Variants in MED16 observed in about 807,000 individuals in gnomAD.
The protein encoded by MED16 is mediator complex subunit 16.
In MED16, 81 loss-of-function variants were observed where a neutral mutation model predicts 84.4. The observed-to-expected ratio is 0.96, with a 90% CI of 0.80 to 1.15. The LOEUF is 1.15. Ranked by LOEUF, MED16 falls within the 50% of genes most tolerant of loss-of-function variation. The pLI is 0.00. For synonymous variants in MED16, 897 were observed against 552.2 expected (o/e 1.62, Z -8.76); for missense variants, 1,585 against 1,245.9 (o/e 1.27, Z -4.10).
Position 873,557 on chromosome 19 carries a change from G to A in MED16, c.1797C>T (p.Leu599=), listed in dbSNP as rs535810990. 4 of 1,612,436 alleles carry A rather than the reference G, an allele frequency of 2.5e-6. No individual in the cohort carries two copies. Among genetic ancestry groups the A allele is most frequent in the East Asian group, 2.2e-5 (1 of 44,874 alleles). Residue 599 remains leucine, a synonymous_variant, in exon 11 of 16, where the codon CTC becomes CTT. Transcript: ENST00000325464. ...TGTCCAGCACAAATTCCTCCGTCTT[G>A]AGGTTGATCATGACCTTGTCAATGT... ...DVDIDKVMIN[L]KTEEFVLDMN... is the part of the protein sequence containing the mutation.
At chr19:871,344 G>A (rs888651063) in intron 12 of MED16, 91 bp from the exon 13 acceptor site, 9 of 1,398,422 alleles carry the variant, frequency 6.4e-6, no homozygotes, top group Non-Finnish European at 8.6e-6. Flanking sequence ...CAGTTCAGGA[G>A]CACCAGGTCA....
At position 886,237 on chromosome 19, in the gene MED16, A is replaced by G. The variant is rs539510209; in HGVS notation, c.448-36T>C. 7 of 1,474,914 alleles carry G rather than the reference A, an allele frequency of 4.7e-6. No homozygotes were observed. In the Admixed American group the frequency reaches 1.4e-4, roughly 30 times the overall value. 91.4% of individuals were successfully genotyped at this position (1,474,914 alleles called of 1,614,324 possible). A position where few individuals can be genotyped will look rare whatever the true frequency, so the allele number is the denominator to read the frequency against. ...GGGAGGGAGGGAGGAGGGGCCGCTC[A>G]GGCTCATGGGGGCTGCCCCATGACC... On this transcript the variant is annotated intron_variant, in intron 4 of 15. Coordinates refer to ENST00000325464, the MANE Select transcript of MED16 (RefSeq NM_005481.3).
Position 871,213 on chromosome 19 carries a change from C to T in MED16, c.2139G>A (p.Leu713=). ...EGPASEPDEA[L]VDECCLLPSQ... ...TGGGCAGCAGGCAGCATTCATCCAC[C>T]AGCGCCTCGTCCGGCTCGCTCGCTG... The change falls in exon 13 of 16, where the codon CTG becomes CTA. Residue 713 remains leucine (L), a synonymous_variant. Transcript: ENST00000325464. 1.9e-6 allele frequency: 3 copies of T among 1,549,002 alleles called. No homozygotes were observed. Among genetic ancestry groups the T allele is most frequent in the Non-Finnish European group, 2.6e-6 (3 of 1,145,528 alleles).
Position 871,202 on chromosome 19 carries a change from C to T in MED16, c.2150G>A (p.Cys717Tyr). 3.2e-6 allele frequency: 5 copies of T among 1,550,336 alleles called. No homozygotes were observed. Among genetic ancestry groups the T allele is most frequent in the Non-Finnish European group, 4.4e-6 (5 of 1,146,652 alleles). ...SEPDEALVDECCLLPSQLLIP... is the reference protein window; with the variant it reads ...SEPDEALVDEYCLLPSQLLIP... ...AAGCAGCTGGCTGGGCAGCAGGCAG[C>T]ATTCATCCACCAGCGCCTCGTCCGG... Residue 717 changes from cysteine to tyrosine, a missense_variant, in exon 13 of 16, where the codon TGC (cysteine) becomes TAC (tyrosine). Transcript: ENST00000325464.
chr19:871,530 A>G, intron 12 of MED16: 17 of 1,571,464 alleles, frequency 1.1e-5, no homozygotes, highest in Admixed American at 1.8e-5. Flanking sequence ...TTTTCCAGAC[A>G]CTGGGATGTA....
intron 13 of MED16, among the ~76,000 whole-genome samples, chr19:870,018 C>T (rs965019677): frequency 6.6e-6 from 1 of 152,210 alleles, no homozygotes; most frequent in African/African-American, 2.4e-5. Context: ...CAGCTCAGCA[C>T]ACTTGGGTTG....
intron 4 of MED16, among the ~76,000 whole-genome samples, chr19:888,614 T>C (rs1054130388): frequency 6.6e-6 from 1 of 151,590 alleles, no homozygotes; most frequent in African/African-American, 2.4e-5. Context: ...CTCTGGACCG[T>C]GTGGGCTGCA....
At chr19:883,507 G>A (rs1250728149) in intron 6 of MED16, among the ~76,000 whole-genome samples, 2 of 150,472 alleles carry the variant, frequency 1.3e-5, no homozygotes, top group East Asian at 1.9e-4. Flanking sequence ...GGGGAGAGAT[G>A]GGGGAGAGAT....
chr19:884,737 G>A (rs954498488), intron 6 of MED16, among the ~76,000 whole-genome samples, 166 bp downstream of exon 6: 2 of 152,182 alleles, frequency 1.3e-5, no homozygotes, highest in South Asian at 2.1e-4. Flanking sequence ...TGGCAGGCGC[G>A]CGGTCACACC....
intron 14 of MED16, among the ~76,000 whole-genome samples, 172 bp downstream of exon 14, chr19:868,691 C>T (rs186627660): frequency 2.0e-5 from 3 of 152,326 alleles, no homozygotes; most frequent in Non-Finnish European, 2.9e-5. Context: ...GAACTAGCCC[C>T]GCCACACCAA....
At chr19:874,076 C>G (rs924236947) in intron 10 of MED16, among the ~76,000 whole-genome samples, 1 of 152,154 alleles carries the variant, frequency 6.6e-6, no homozygotes, top group African/African-American at 2.4e-5. Flanking sequence ...AGGAGTGCCA[C>G]GTGTCCACAC....
intron 8 of MED16, among the ~76,000 whole-genome samples, chr19:878,916 AGCCCCGGCCCCGGCCCCG>A (rs141014120): frequency 0.059 from 4,645 of 78,652 alleles, no homozygotes; most frequent in African/African-American, 0.092. Context: ...AATGTCCACC[AGCCCCGGCCCCGGCCCCG>A]GCCCCGGCCC....
chr19:871,357 G>T, intron 12 of MED16, 104 bp from the exon 13 acceptor site: 1 of 1,360,836 alleles, frequency 7.3e-7, no homozygotes, highest in Non-Finnish European at 9.9e-7. Context: ...CCAGGTCAGG[G>T]CCCCAGCTCT....
intron 6 of MED16, among the ~76,000 whole-genome samples, chr19:884,091 C>T (rs1332760175): frequency 6.6e-6 from 1 of 152,156 alleles, no homozygotes; most frequent in Non-Finnish European, 1.5e-5. Flanking sequence ...GGAGCGCCTG[C>T]CCCACCTGCC....
chr19:876,512 G>A (rs796297860), intron 9 of MED16, among the ~76,000 whole-genome samples: 7 of 152,208 alleles, frequency 4.6e-5, no homozygotes, highest in South Asian at 2.1e-4. Context: ...GTCCAGGGGG[G>A]ATCAGGCCTT....
At chr19:886,740 A>G (rs1247465866) in intron 4 of MED16, among the ~76,000 whole-genome samples, 1 of 152,254 alleles carries the variant, frequency 6.6e-6, no homozygotes, top group Non-Finnish European at 1.5e-5. Context: ...CATTATTGAC[A>G]TACGGAAACA....
At chr19:889,564 G>T in intron 4 of MED16, 74 bp downstream of exon 4, 2 of 1,527,560 alleles carry the variant, frequency 1.3e-6, no homozygotes, top group Non-Finnish European at 1.8e-6. Context: ...TGATGGAGAG[G>T]AGAGGGGCTG....
Position 880,019 on chromosome 19 carries a change from G to A in MED16, c.1271C>T (p.Thr424Ile), listed in dbSNP as rs1397279163. Residue 424 changes from threonine (T) to isoleucine (I), a missense_variant, in exon 8 of 16, where the codon ACC (threonine) becomes ATC (isoleucine). By Grantham distance (89) the Thr-to-Ile change is moderately conservative. Coordinates refer to ENST00000325464, the MANE Select transcript of MED16 (RefSeq NM_005481.3). ...VDEPAMKRPR[T>I]AGPAVHLKAM... ...CTTTAAGTGGACGGCGGGGCCCGCG[G>A]TGCGGGGGCGCTTCATGGCCGGCTC... 2 of 1,610,724 alleles carry A rather than the reference G, an allele frequency of 1.2e-6. No individual in the cohort carries two copies. Among genetic ancestry groups the A allele is most frequent in the African/African-American group, 1.3e-5 (1 of 75,032 alleles).
At chr19:868,349 G>A (rs967049534) in intron 15 of MED16, 67 bp downstream of exon 15, 1 of 1,591,954 alleles carries the variant, frequency 6.3e-7, no homozygotes, top group Non-Finnish European at 8.5e-7. Flanking sequence ...GGGTAGCTGA[G>A]GAGTAGCTGA....
Sources: gnomAD v4.1 joint callset for allele counts (sites outside exome capture counted in the v4.1 genomes callset) on GRCh38, gnomAD v4.1.1 for gene constraint, MANE v1.5 for transcripts, NCBI Gene and HGNC (gene_info 2026-07-23, HGNC 2026-07-21) for gene names.